GPC5: variants seen among roughly 807,000 people sequenced by gnomAD.
The protein encoded by GPC5 is glypican-5.
A neutral mutation model predicts 53.9 loss-of-function variants in GPC5; 47 were observed. That is an observed-to-expected ratio of 0.87 (90% confidence interval 0.69 to 1.11). GPC5 has a LOEUF of 1.11. Ranked by LOEUF, GPC5 falls within the 50% of genes most tolerant of loss-of-function variation. The pLI, the probability that GPC5 is intolerant of heterozygous loss-of-function variation, is 0.00. For synonymous variants in GPC5, 286 were observed against 263.3 expected (o/e 1.09, Z -0.84); for missense variants, 748 against 713.1 (o/e 1.05, Z -0.56).
At chr13:92,493,785 C>T (rs1022441388) in intron 7 of GPC5, among the ~76,000 whole-genome samples, 3 of 152,102 alleles carry the variant, frequency 2.0e-5, no homozygotes, top group Non-Finnish European at 4.4e-5. Context: ...GCTAGCAATT[C>T]GACAAGTCAC....
chr13:92,597,716 G>A (rs1883925570), intron 7 of GPC5, among the ~76,000 whole-genome samples: 1 of 151,710 alleles, frequency 6.6e-6, no homozygotes, highest in Non-Finnish European at 1.5e-5. Context: ...CTTACTTTGG[G>A]GTCAAAAGAA....
At chr13:92,714,860 G>A (rs762236350) in intron 7 of GPC5, among the ~76,000 whole-genome samples, 2 of 152,142 alleles carry the variant, frequency 1.3e-5, no homozygotes, top group Admixed American at 6.6e-5. Flanking sequence ...GAGTTCAGGA[G>A]TTCAAGACCA....
rs191012120 is a variant in GPC5 at position 91,502,073 on chromosome 13, C to T, written c.325+53151C>T. Among the ~76,000 whole-genome samples, 154 of 152,256 alleles carry T rather than the reference C, an allele frequency of 1.0e-3. 1 individual carries two copies. The highest frequency in any genetic ancestry group is 3.6e-3 in the African/African-American group (150 of 41,552). ...GAGAAGTGTCTGTTCTTATCCTTTG[C>T]CCACTTTTTGATGGGGTTGTTTGTT... On this transcript the variant is annotated intron_variant, in intron 2 of 7. Coordinates refer to ENST00000377067, the MANE Select transcript of GPC5 (RefSeq NM_004466.6).
intron 3 of GPC5, among the ~76,000 whole-genome samples, chr13:91,704,036 T>G (rs1004448809): frequency 2.0e-5 from 3 of 152,206 alleles, no homozygotes; most frequent in African/African-American, 7.2e-5. Context: ...TAATGTTTCC[T>G]TATTGATTTT....
chr13:92,154,853 A>G (rs1261598916), intron 7 of GPC5, among the ~76,000 whole-genome samples: 1 of 152,226 alleles, frequency 6.6e-6, no homozygotes, highest in Non-Finnish European at 1.5e-5. Context: ...ATAGGTGATA[A>G]TTAAAATATT....
At chr13:92,737,417 A>G (rs1303497115) in intron 7 of GPC5, among the ~76,000 whole-genome samples, 1 of 152,092 alleles carries the variant, frequency 6.6e-6, no homozygotes, top group Non-Finnish European at 1.5e-5. Flanking sequence ...AATCTGGACC[A>G]GAAGATGCCC....
In GPC5 at chr13:91,766,415, C is replaced by G. The variant is rs189413677; in HGVS notation, c.1280+9995C>G. ...AAGCCTTCTCTCATTCATTATAATG[C>G]AACCATTCATTCATAAAGCCAATAA... is the stretch of plus-strand genomic sequence containing the variant. On this transcript the variant is annotated intron_variant, in intron 5 of 7. Coordinates refer to ENST00000377067, the MANE Select transcript of GPC5 (RefSeq NM_004466.6). 3.3e-5 allele frequency among the ~76,000 whole-genome samples: 5 copies of G among 152,282 alleles called. No homozygotes were observed. In the East Asian group the frequency reaches 9.6e-4, roughly 29 times the overall value.
At chr13:92,069,383 C>T (rs1224410357) in intron 6 of GPC5, among the ~76,000 whole-genome samples, 2 of 149,344 alleles carry the variant, frequency 1.3e-5, no homozygotes, top group African/African-American at 5.0e-5. Context: ...AATATCACAG[C>T]TTTATTATCA....
At chr13:92,732,035 T>C (rs1888820854) in intron 7 of GPC5, among the ~76,000 whole-genome samples, 1 of 151,424 alleles carries the variant, frequency 6.6e-6, no homozygotes, top group African/African-American at 2.4e-5. Flanking sequence ...GAGAAACCTA[T>C]GAACTCTTGG....
chr13:92,537,255 A>C (rs1881755439), intron 7 of GPC5, among the ~76,000 whole-genome samples: 1 of 152,138 alleles, frequency 6.6e-6, no homozygotes, highest in Admixed American at 6.6e-5. Flanking sequence ...GCATCTGTGA[A>C]AGAAAATTTA....
chr13:91,638,520 C>T (rs942747383), intron 2 of GPC5, among the ~76,000 whole-genome samples: 1 of 152,062 alleles, frequency 6.6e-6, no homozygotes, highest in African/African-American at 2.4e-5. Context: ...CATGTGCCAC[C>T]ATACTCGGCT....
In GPC5 at chr13:92,516,933, G is replaced by A. The variant is rs1013024937; in HGVS notation, c.1562-349349G>A. On this transcript the variant is annotated intron_variant, in intron 7 of 7. Coordinates refer to ENST00000377067, the MANE Select transcript of GPC5 (RefSeq NM_004466.6). ...TCAGGGAATTCCCTTTCCTAGCCAA[G>A]GGAAGGGGTGACAAACTGCACCTGG... Among the ~76,000 whole-genome samples, 10 of 152,228 alleles carry A rather than the reference G, an allele frequency of 6.6e-5. No homozygotes were observed. The East Asian group carries it at 1.7e-3, about 27-fold the overall frequency.
chr13:92,142,714 C>T (rs552309283), intron 6 of GPC5, among the ~76,000 whole-genome samples: 2 of 152,204 alleles, frequency 1.3e-5, no homozygotes, highest in Admixed American at 1.3e-4. Context: ...AACATATACA[C>T]TGTTGGTGGT....
Position 91,728,672 on chromosome 13 carries a change from C to T in GPC5, c.1154+7C>T, listed in dbSNP as rs774674145. On this transcript the variant is annotated splice_region_variant and intron_variant, in intron 4 of 7. Transcript: ENST00000377067. Reference sequence around the variant, plus strand: ...CGCTTGCCAACAGAAGAAAGTAAGACATTTGTTTTACAACCAGAAAGAGAA... The same window carrying T: ...CGCTTGCCAACAGAAGAAAGTAAGATATTTGTTTTACAACCAGAAAGAGAA... 2 of 1,603,942 alleles carry T rather than the reference C, an allele frequency of 1.2e-6. No homozygotes were observed. The highest frequency in any genetic ancestry group is 1.7e-6 in the Non-Finnish European group (2 of 1,175,536).
intron 6 of GPC5, among the ~76,000 whole-genome samples, chr13:91,914,279 T>A (rs1430257591): frequency 1.3e-5 from 2 of 152,192 alleles, no homozygotes; most frequent in African/African-American, 4.8e-5. Context: ...AAAAGTAATA[T>A]CACAGCAATT....
intron 7 of GPC5, among the ~76,000 whole-genome samples, chr13:92,733,663 T>A (rs1888865934): frequency 6.6e-6 from 1 of 151,798 alleles, no homozygotes. Context: ...TAGTTCATAT[T>A]TCTCTAAGGG....
At chr13:91,979,812 A>AT (rs34520146) in intron 6 of GPC5, among the ~76,000 whole-genome samples, 61,798 of 152,058 alleles carry the variant, frequency 0.41, 14,598 homozygotes, top group East Asian at 0.75. Context: ...AACAGCACTT[A>AT]TTATCCCTTG....
At chr13:92,089,604 A>G (rs2041363363) in intron 6 of GPC5, among the ~76,000 whole-genome samples, 1 of 152,334 alleles carries the variant, frequency 6.6e-6, no homozygotes, top group South Asian at 2.1e-4. Context: ...TGTTCAACCA[A>G]ATCTTACAGT....
intron 7 of GPC5, among the ~76,000 whole-genome samples, chr13:92,865,678 T>A (rs952656424): frequency 6.6e-6 from 1 of 152,162 alleles, no homozygotes; most frequent in African/African-American, 2.4e-5. Flanking sequence ...ATGCTAAGGA[T>A]GTGAGGTGAT....
Sources: gnomAD v4.1 joint callset for allele counts (sites outside exome capture counted in the v4.1 genomes callset) on GRCh38, gnomAD v4.1.1 for gene constraint, MANE v1.5 for transcripts, NCBI Gene and HGNC (gene_info 2026-07-23, HGNC 2026-07-21) for gene names.